The following USH2A variants were observed in gnomAD, a reference collection of about 807,000 sequenced individuals.
USH2A encodes usherin.
USH2A carries 443 observed loss-of-function variants against 538.9 expected under a neutral mutation model. The observed-to-expected ratio is 0.82, with a 90% CI of 0.76 to 0.89. The LOEUF is 0.89. USH2A is among the 40% of genes least tolerant of loss of function. The pLI is 0.00. For missense variants in USH2A, 6,633 were observed against 6,324.8 expected (o/e 1.05, Z -1.65); for synonymous variants, 2,413 against 2,273.5 (o/e 1.06, Z -1.75).
chr1:215,873,188 TTTACTCC>T (rs1469225309), intron 43 of USH2A, among the ~76,000 whole-genome samples: 2 of 152,140 alleles, frequency 1.3e-5, no homozygotes, highest in Non-Finnish European at 2.9e-5. Context: ...GAAAGACATG[TTTACTCC>T]TTTTGAATTA....
At chr1:215,721,895 C>T (rs1659671811) in intron 61 of USH2A, among the ~76,000 whole-genome samples, 1 of 151,928 alleles carries the variant, frequency 6.6e-6, no homozygotes, top group African/African-American at 2.4e-5. Flanking sequence ...GAGACACAAT[C>T]TCTACAAAAA....
intron 64 of USH2A, among the ~76,000 whole-genome samples, chr1:215,653,614 G>A (rs1054347719): frequency 6.6e-6 from 1 of 152,074 alleles, no homozygotes; most frequent in African/African-American, 2.4e-5. Context: ...CAAACCACTA[G>A]GAGAAAAGGA....
intron 22 of USH2A, among the ~76,000 whole-genome samples, chr1:216,096,865 G>T (rs2032452518): frequency 6.6e-6 from 1 of 152,216 alleles, no homozygotes; most frequent in Non-Finnish European, 1.5e-5. Context: ...TTCTCAGTCA[G>T]ACCATGATGG....
chr1:215,805,140 G>A (rs553331941), intron 49 of USH2A, among the ~76,000 whole-genome samples: 1 of 152,042 alleles, frequency 6.6e-6, no homozygotes, highest in Non-Finnish European at 1.5e-5. Context: ...GTTGTGGGGT[G>A]GGGAGATGGG....
chr1:215,727,923 T>C, intron 61 of USH2A, 107 bp downstream of exon 61: 2 of 1,305,510 alleles, frequency 1.5e-6, no homozygotes, highest in Admixed American at 1.8e-5. Context: ...AAGATTTTCA[T>C]ATATTTAAGC....
At chr1:216,108,182 CTCTT>C (rs990911958) in intron 21 of USH2A, among the ~76,000 whole-genome samples, 29 of 151,816 alleles carry the variant, frequency 1.9e-4, no homozygotes, top group African/African-American at 6.7e-4. Flanking sequence ...GATATACTAA[CTCTT>C]TCTTTAATCT....
At chr1:216,050,275 A>G (rs72744697) in intron 30 of USH2A, among the ~76,000 whole-genome samples, 32,819 of 152,150 alleles carry the variant, frequency 0.22, 6,790 homozygotes, top group African/African-American at 0.55. Context: ...CCATATGTAC[A>G]TGGGCAAGTT....
At chr1:216,323,397 T>C (rs887465240) in intron 8 of USH2A, 77 bp downstream of exon 8, 1 of 1,424,722 alleles carries the variant, frequency 7.0e-7, no homozygotes, top group African/African-American at 1.4e-5. Context: ...AAATCTGGCT[T>C]GCTCTGACAT....
intron 14 of USH2A, among the ~76,000 whole-genome samples, chr1:216,222,824 C>A (rs1313210505): frequency 6.6e-6 from 1 of 151,968 alleles, no homozygotes; most frequent in Non-Finnish European, 1.5e-5. Flanking sequence ...ATTAAAAATA[C>A]AAAATTAGCT....
At chr1:216,016,445 A>C (rs1668713484) in intron 32 of USH2A, among the ~76,000 whole-genome samples, 1 of 152,182 alleles carries the variant, frequency 6.6e-6, no homozygotes, top group African/African-American at 2.4e-5. Context: ...TAAACTCAAC[A>C]AATTCTTCCA....
chr1:215,934,685 G>A lies in USH2A; in HGVS notation c.7231C>T (p.Gln2411Ter), dbSNP rs755693369. ...GLVPFTNYTVQVNISNSQGSL... is the reference protein window; with the variant it reads ...GLVPFTNYTV ...CCTTGGCTATTTGAAATATTCACTT[G>A]TACAGTATAGTTGGTAAAAGGAACC... The change falls in exon 38 of 72, where the codon CAA becomes TAA. Residue 2411 changes from glutamine to a stop codon, truncating the protein, a stop_gained. Transcript: ENST00000307340. LOFTEE classifies it high-confidence loss of function. 4 of 1,612,780 alleles carry A rather than the reference G, an allele frequency of 2.5e-6. No homozygotes were observed. Among genetic ancestry groups the A allele is most frequent in the Non-Finnish European group, 3.4e-6 (4 of 1,179,134 alleles).
At chr1:216,206,148 C>T (rs1289784740) in intron 16 of USH2A, among the ~76,000 whole-genome samples, 1 of 152,020 alleles carries the variant, frequency 6.6e-6, no homozygotes, top group Non-Finnish European at 1.5e-5. Flanking sequence ...AACTTGAATT[C>T]ATTATAATAG....
At chr1:216,104,585 A>T (rs1334905607) in intron 21 of USH2A, among the ~76,000 whole-genome samples, 3 of 152,110 alleles carry the variant, frequency 2.0e-5, no homozygotes, top group African/African-American at 7.2e-5. Flanking sequence ...ATTCACTATT[A>T]AATAAATGGT....
At chr1:215,727,965 G>C in intron 61 of USH2A, 65 bp downstream of exon 61, 1 of 1,557,826 alleles carries the variant, frequency 6.4e-7, no homozygotes, top group South Asian at 1.1e-5. Context: ...AGTTGGACAA[G>C]AAAATTAATT....
chr1:216,107,530 C>T, intron 21 of USH2A, among the ~76,000 whole-genome samples: 1 of 135,750 alleles, frequency 7.4e-6, no homozygotes, highest in Non-Finnish European at 1.6e-5. Flanking sequence ...GTTTCTTGTA[C>T]ACCCTTTGTA....
chr1:215,950,895 A>T (rs17025702), intron 37 of USH2A, among the ~76,000 whole-genome samples: 4,880 of 152,106 alleles, frequency 0.032, 122 homozygotes, highest in South Asian at 0.084. Context: ...CTAATATTCA[A>T]CTGTGTAACA....
chr1:215,999,085 C>A (rs1285409237), intron 33 of USH2A, 27 bp from the exon 34 acceptor site: 2 of 1,594,138 alleles, frequency 1.3e-6, no homozygotes, highest in East Asian at 4.5e-5. Flanking sequence ...ACATTATTAT[C>A]ATTCATTCAA....
intron 61 of USH2A, among the ~76,000 whole-genome samples, chr1:215,722,063 T>C (rs1408272650): frequency 1.3e-5 from 1 of 74,694 alleles, no homozygotes; most frequent in East Asian, 3.0e-4. Context: ...AGACCCTGTC[T>C]CTTTAAAAAA....
rs770125455 is a variant in USH2A, at chr1:215,888,812, C to G, written c.7837G>C (p.Glu2613Gln). 1 of 1,614,094 alleles carries G rather than the reference C, an allele frequency of 6.2e-7. No homozygotes were observed. Among genetic ancestry groups the G allele is most frequent in the Admixed American group, 1.7e-5 (1 of 60,008 alleles). The change falls in exon 41 of 72, where the codon GAG (glutamate) becomes CAG (glutamine). Residue 2613 changes from glutamate (E) to glutamine (Q), a missense_variant. Physicochemically the swap from Glu to Gln is conservative, Grantham distance 29. Coordinates refer to ENST00000307340, the MANE Select transcript of USH2A (RefSeq NM_206933.4). ...GGGAGTGTCCATACAGTCTGGGACT[C>G]TGGTGAAAGGGAACATCCTTTTGAA... Reference protein sequence around the residue: ...CTSKGCSLSPESQTVWTLPGA... With the variant: ...CTSKGCSLSPQSQTVWTLPGA...
Sources: gnomAD v4.1 joint callset for allele counts (sites outside exome capture counted in the v4.1 genomes callset) on GRCh38, gnomAD v4.1.1 for gene constraint, MANE v1.5 for transcripts, NCBI Gene and HGNC (gene_info 2026-07-23, HGNC 2026-07-21) for gene names.